Variants in MYO16 observed in about 807,000 individuals in gnomAD.
The protein encoded by MYO16 is unconventional myosin-XVI.
Under a neutral mutation model 205.3 loss-of-function variants are expected in MYO16, and 94 were observed. The ratio of observed to expected loss-of-function variants is 0.46; its 90% confidence interval spans 0.39 to 0.54. The LOEUF (loss-of-function observed/expected upper bound fraction) is 0.54, where lower values mean the gene tolerates loss of function less well. Among genes scored for constraint, MYO16 ranks in the 20% least tolerant of loss-of-function variants. MYO16 has a pLI of 0.00. For synonymous variants in MYO16, 988 were observed against 954.0 expected (o/e 1.04, Z -0.66); for missense variants, 2,315 against 2,387.5 (o/e 0.97, Z 0.63).
At chr13:108,865,654 G>C (rs1878677910) in intron 11 of MYO16, among the ~76,000 whole-genome samples, 1 of 151,838 alleles carries the variant, frequency 6.6e-6, no homozygotes, top group African/African-American at 2.4e-5. Context: ...GCTGGTGTTT[G>C]GGTTTAAATC....
intron 20 of MYO16, among the ~76,000 whole-genome samples, chr13:108,972,451 G>T (rs771236869): frequency 1.4e-4 from 17 of 125,662 alleles, no homozygotes; most frequent in Non-Finnish European, 2.4e-4. Flanking sequence ...TGGGGAAGGG[G>T]AGAGTTGTAG....
At chr13:108,890,104 A>ATTTTTTTTTTTTTTT (rs60627565) in intron 14 of MYO16, among the ~76,000 whole-genome samples, 18 of 94,884 alleles carry the variant, frequency 1.9e-4, no homozygotes, top group Non-Finnish European at 2.7e-4. Flanking sequence ...TAATTTTTGT[A>ATTTTTTTTTTTTTTT]TTTTTTTTTT....
intron 22 of MYO16, among the ~76,000 whole-genome samples, chr13:109,012,409 G>A (rs983714576): frequency 6.6e-6 from 1 of 152,116 alleles, no homozygotes; most frequent in Non-Finnish European, 1.5e-5. Context: ...GGTTCTCATA[G>A]GAGCAGGAAC....
chr13:108,797,303 G>T (rs1378367845), intron 6 of MYO16, among the ~76,000 whole-genome samples: 1 of 152,314 alleles, frequency 6.6e-6, no homozygotes, highest in South Asian at 2.1e-4. Flanking sequence ...CAGATCTCTA[G>T]ATGAAAGAAA....
At chr13:108,810,094 AT>A (rs1358139497) in intron 7 of MYO16, among the ~76,000 whole-genome samples, 1 of 152,212 alleles carries the variant, frequency 6.6e-6, no homozygotes, top group East Asian at 1.9e-4. Flanking sequence ...AGAAATGGCC[AT>A]TTACAATGTG....
At chr13:109,205,827 CA>C in intron 34 of MYO16, among the ~76,000 whole-genome samples, 1 of 152,250 alleles carries the variant, frequency 6.6e-6, no homozygotes, top group Admixed American at 6.5e-5. Flanking sequence ...TGCTTTCCTG[CA>C]AAGGCCCATA....
At chr13:108,581,490 T>C in the MYO16 span, among the ~76,000 whole-genome samples, 1 of 152,196 alleles carries the variant, frequency 6.6e-6, no homozygotes, top group Non-Finnish European at 1.5e-5. Flanking sequence ...TCTTGCCTTT[T>C]TTTTTGTTTG....
At chr13:108,618,087 T>G (rs1879412982) in intron 1 of MYO16, among the ~76,000 whole-genome samples, 1 of 152,170 alleles carries the variant, frequency 6.6e-6, no homozygotes, top group Admixed American at 6.5e-5. Flanking sequence ...CAAGCCCTCA[T>G]GCTCTCTCCC....
the MYO16 span, among the ~76,000 whole-genome samples, chr13:108,550,277 T>C: frequency 6.6e-6 from 1 of 152,268 alleles, no homozygotes; most frequent in East Asian, 1.9e-4. Context: ...AACGACAACC[T>C]TTGCAATTGT....
intron 7 of MYO16, among the ~76,000 whole-genome samples, chr13:108,810,850 G>A (rs1433335635): frequency 6.6e-6 from 1 of 152,032 alleles, no homozygotes; most frequent in Non-Finnish European, 1.5e-5. Context: ...ATCTATAACT[G>A]TACTTATTAT....
chr13:108,886,976 A>G (rs1332012542), intron 13 of MYO16, among the ~76,000 whole-genome samples: 1 of 152,172 alleles, frequency 6.6e-6, no homozygotes, highest in Non-Finnish European at 1.5e-5. Flanking sequence ...GCTAAGATAC[A>G]TGCTTTCTCC....
chr13:108,605,482 T>C (rs1209201839), intron 1 of MYO16, among the ~76,000 whole-genome samples: 1 of 152,126 alleles, frequency 6.6e-6, no homozygotes, highest in Non-Finnish European at 1.5e-5. Flanking sequence ...TGGGAAGTGA[T>C]TGGATCATGA....
chr13:108,649,905 G>A (rs560161108), intron 1 of MYO16, among the ~76,000 whole-genome samples: 8 of 152,028 alleles, frequency 5.3e-5, no homozygotes, highest in East Asian at 3.9e-4. Context: ...AATAAAAAGC[G>A]GAATGAAAAT....
chr13:108,979,406 A>T (rs1157160714), intron 20 of MYO16, among the ~76,000 whole-genome samples: 4 of 151,916 alleles, frequency 2.6e-5, no homozygotes, highest in African/African-American at 4.8e-5. Flanking sequence ...TTTTGTCTTT[A>T]TGTTCTTTCA....
chr13:109,036,802 A>T lies in MYO16; in HGVS notation c.2797-10114A>T, dbSNP rs962216930. On this transcript the variant is annotated intron_variant, in intron 23 of 34. Transcript: ENST00000457511. ...TTGAGAAGGAAAAATAAATACATAA[A>T]GCCTGAAGATCAGTTATGTAAAGAG... Among the ~76,000 whole-genome samples, 3 of 152,338 alleles carry T rather than the reference A, an allele frequency of 2.0e-5. No individual in the cohort carries two copies. The South Asian group carries it at 6.2e-4, about 32-fold the overall frequency.
intron 1 of MYO16, among the ~76,000 whole-genome samples, chr13:108,652,113 AGAG>A (rs562977932): frequency 2.6e-4 from 40 of 152,288 alleles, no homozygotes; most frequent in African/African-American, 9.1e-4. Flanking sequence ...AACTTCTGCT[AGAG>A]GAGTTGTTAG....
chr13:108,522,431 C>T, the MYO16 span, among the ~76,000 whole-genome samples: 1 of 152,152 alleles, frequency 6.6e-6, no homozygotes, highest in African/African-American at 2.4e-5. Flanking sequence ...TTTCTAAGAA[C>T]ATAGCAATAT....
chr13:108,785,617 T>G lies in MYO16; in HGVS notation c.508-18T>G. 6.7e-7 allele frequency: 1 copy of G among 1,502,712 alleles called. No individual in the cohort carries two copies. Among genetic ancestry groups the G allele is most frequent in the Non-Finnish European group, 9.1e-7 (1 of 1,101,080 alleles). The allele number at this position is 1,502,712 out of a possible 1,614,324, so 93.1% of individuals were successfully genotyped here. A position where few individuals can be genotyped will look rare whatever the true frequency, so the allele number is the denominator to read the frequency against. On this transcript the variant is annotated intron_variant, in intron 4 of 34. Transcript: ENST00000457511. ...TTAAACAGTATATATGATGTTATAT[T>G]TTTTTCTTTTTATCTAGGCTGGAGC...
chr13:108,910,278 T>C (rs780727247), intron 16 of MYO16, 128 bp downstream of exon 16: 135 of 1,022,922 alleles, frequency 1.3e-4, no homozygotes, highest in Non-Finnish European at 9.4e-5. Context: ...TTGGATACTG[T>C]TAGGTTGAAA....
Sources: allele counts gnomAD v4.1 joint callset (sites outside exome capture counted in the v4.1 genomes callset), GRCh38; gene constraint gnomAD v4.1.1; transcripts MANE v1.5; gene names NCBI Gene and HGNC (gene_info 2026-07-23, HGNC 2026-07-21).